JPH3: variants seen among roughly 807,000 people sequenced by gnomAD.
JPH3 encodes junctophilin 3, also known as junctophilin-3.
A neutral mutation model predicts 59.6 loss-of-function variants in JPH3; 11 were observed. The observed-to-expected ratio is 0.18, with a 90% CI of 0.12 to 0.31. The LOEUF (loss-of-function observed/expected upper bound fraction) is 0.31, where lower values mean the gene tolerates loss of function less well. Among genes scored for constraint, JPH3 ranks in the 10% least tolerant of loss-of-function variants. The pLI is 1.00. For missense variants in JPH3, 1,202 were observed against 1,105.7 expected (o/e 1.09, Z -1.24); for synonymous variants, 673 against 483.6 (o/e 1.39, Z -5.14).
intron 2 of JPH3, among the ~76,000 whole-genome samples, chr16:87,646,865 C>G (rs549695399): frequency 1.8e-4 from 27 of 152,142 alleles, no homozygotes; most frequent in South Asian, 4.1e-4. Flanking sequence ...TATTTCACAG[C>G]CTTGGCACTG....
chr16:87,641,781 C>G (rs1378585647), intron 1 of JPH3, among the ~76,000 whole-genome samples: 1 of 152,276 alleles, frequency 6.6e-6, no homozygotes, highest in Non-Finnish European at 1.5e-5. Context: ...CACGCCCCTT[C>G]TCTGCCCTGG....
intron 1 of JPH3, among the ~76,000 whole-genome samples, chr16:87,628,990 A>T (rs866225916): frequency 1.4e-4 from 22 of 152,168 alleles, no homozygotes; most frequent in Middle Eastern, 3.4e-3. Flanking sequence ...GGCTTCCTCA[A>T]TGTCAGGGAT....
chr16:87,644,412 C>T lies in JPH3; in HGVS notation c.537C>T (p.Pro179=), dbSNP rs149948089. ...SEHTNGTALH[P]DASPAVAGSP... Reference sequence around the variant, plus strand: ...ACACCAACGGCACGGCGCTGCATCCCGACGCCTCTCCGGCGGTGGCCGGCA... The same window carrying T: ...ACACCAACGGCACGGCGCTGCATCCTGACGCCTCTCCGGCGGTGGCCGGCA... The change falls in exon 2 of 5, where the codon CCC becomes CCT. Residue 179 remains proline (P), a synonymous_variant. Transcript: ENST00000284262. The T allele has an allele frequency of 1.4e-4, 233 of 1,612,364 alleles. No homozygotes were observed. Among genetic ancestry groups the T allele is most frequent in the African/African-American group, 1.3e-3 (94 of 75,048 alleles).
Position 87,691,091 on chromosome 16 carries a change from C to A in JPH3, c.2166+565C>A, listed in dbSNP as rs555041195. Among the ~76,000 whole-genome samples the A allele has an allele frequency of 2.7e-5, 4 of 149,936 alleles. No homozygotes were observed. The East Asian group carries it at 5.8e-4, about 22-fold the overall frequency. On this transcript the variant is annotated intron_variant, in intron 4 of 4. Transcript: ENST00000284262. Reference sequence around the variant, plus strand: ...CACCGTCAGCCTCACCCAGCACCCCCCCCCCAAATTCGTTCCTCCAGGGCA... The same window carrying A: ...CACCGTCAGCCTCACCCAGCACCCCACCCCCAAATTCGTTCCTCCAGGGCA...
At chr16:87,644,171 A>G in intron 1 of JPH3, 87 bp from the exon 2 acceptor site, 1 of 1,348,636 alleles carries the variant, frequency 7.4e-7, no homozygotes, top group Non-Finnish European at 1.0e-6. Flanking sequence ...CTCAGACAGG[A>G]CTGTGGCTGC....
chr16:87,648,492 C>T (rs1354760740), intron 2 of JPH3, among the ~76,000 whole-genome samples: 2 of 152,132 alleles, frequency 1.3e-5, no homozygotes, highest in East Asian at 3.9e-4. Context: ...GCTTGTCAGG[C>T]CGCGTGAAGT....
At chr16:87,621,521 GC>G (rs1356699862) in intron 1 of JPH3, among the ~76,000 whole-genome samples, 2 of 152,172 alleles carry the variant, frequency 1.3e-5, no homozygotes, top group Non-Finnish European at 2.9e-5. Flanking sequence ...AACCCCCCAG[GC>G]CCCAGGGCTT....
intron 1 of JPH3, among the ~76,000 whole-genome samples, chr16:87,641,469 C>T (rs922544181): frequency 6.6e-6 from 1 of 152,176 alleles, no homozygotes. Context: ...CCCAAACATC[C>T]TATCCCCTTG....
intron 2 of JPH3, among the ~76,000 whole-genome samples, chr16:87,676,903 G>A (rs1350113280): frequency 6.6e-6 from 1 of 151,856 alleles, no homozygotes; most frequent in African/African-American, 2.4e-5. Context: ...CAGGCGCGGT[G>A]GCGCACGCCT....
At chr16:87,687,998 G>A (rs1269295697) in intron 3 of JPH3, among the ~76,000 whole-genome samples, 1 of 152,196 alleles carries the variant, frequency 6.6e-6, no homozygotes, top group Non-Finnish European at 1.5e-5. Context: ...TGGGGCCAGG[G>A]CTGCCCTCCA....
chr16:87,683,953 T>A, intron 2 of JPH3, 189 bp from the exon 3 acceptor site: 1 of 592,924 alleles, frequency 1.7e-6, no homozygotes. Flanking sequence ...GGTTGGTTGA[T>A]GCTCAGTGAT....
intron 1 of JPH3, among the ~76,000 whole-genome samples, chr16:87,641,236 C>T (rs2031940715): frequency 6.6e-6 from 1 of 152,136 alleles, no homozygotes; most frequent in South Asian, 2.1e-4. Flanking sequence ...GCTTGCCCGG[C>T]TCTTGGCATC....
chr16:87,691,154 G>A (rs1179343022), intron 4 of JPH3, among the ~76,000 whole-genome samples: 3 of 151,962 alleles, frequency 2.0e-5, no homozygotes, highest in Non-Finnish European at 4.4e-5. Context: ...CCCTGGGCTA[G>A]ACTCGGCGCG....
rs1218705127 is a variant in JPH3 at position 87,644,429 on chromosome 16, T to C, written c.554T>C (p.Val185Ala). 4.3e-6 allele frequency: 7 copies of C among 1,611,994 alleles called. No individual in the cohort carries two copies. The highest frequency in any genetic ancestry group is 1.3e-5 in the African/African-American group (1 of 75,018). Residue 185 changes from valine (V) to alanine (A), a missense_variant, in exon 2 of 5, where the codon GTG (valine) becomes GCG (alanine). Val to Ala is a moderately conservative substitution (Grantham distance 64). Coordinates refer to ENST00000284262, the MANE Select transcript of JPH3 (RefSeq NM_020655.4). ...CTGCATCCCGACGCCTCTCCGGCGGTGGCCGGCAGCCCGGCCGTGTCCCGC... is the reference window on the plus strand; with the variant it reads ...CTGCATCCCGACGCCTCTCCGGCGGCGGCCGGCAGCCCGGCCGTGTCCCGC... ...TALHPDASPA[V>A]AGSPAVSRGG...
At chr16:87,695,993 G>A (rs1001249365) in intron 4 of JPH3, 45 of 455,944 alleles carry the variant, frequency 9.9e-5, no homozygotes, top group Non-Finnish European at 1.8e-4. Context: ...TAAATCCAAG[G>A]CAGCTCGCAA....
chr16:87,631,307 A>G (rs1461459904), intron 1 of JPH3, among the ~76,000 whole-genome samples: 1 of 152,148 alleles, frequency 6.6e-6, no homozygotes, highest in African/African-American at 2.4e-5. Context: ...CTAAGAAAGG[A>G]TGCATGGAAG....
chr16:87,655,337 TTTATTTTTTGTGACAGGGTG>T (rs146014854), intron 2 of JPH3, among the ~76,000 whole-genome samples: 65,663 of 151,370 alleles, frequency 0.43, 14,814 homozygotes, highest in East Asian at 0.67. Context: ...AACAAATAAT[TTTATTTTTTGTGACAGGGTG>T]TTATTTTTTG....
intron 1 of JPH3, among the ~76,000 whole-genome samples, chr16:87,643,189 C>T (rs921237857): frequency 6.6e-6 from 1 of 152,204 alleles, no homozygotes; most frequent in African/African-American, 2.4e-5. Flanking sequence ...ATGTCTTCAG[C>T]GTTCATCCAC....
At chr16:87,642,540 T>C (rs59778786) in intron 1 of JPH3, among the ~76,000 whole-genome samples, 2,213 of 152,344 alleles carry the variant, frequency 0.015, 62 homozygotes, top group African/African-American at 0.05. Flanking sequence ...TATCAGTAAG[T>C]CTCGGCCTCC....
Sources: allele counts gnomAD v4.1 joint callset (sites outside exome capture counted in the v4.1 genomes callset), GRCh38; gene constraint gnomAD v4.1.1; transcripts MANE v1.5; gene names NCBI Gene and HGNC (gene_info 2026-07-23, HGNC 2026-07-21).